NOS3: variants seen among roughly 807,000 people sequenced by gnomAD.
NOS3 encodes the protein nitric oxide synthase 3.
Under a neutral mutation model 144.9 loss-of-function variants are expected in NOS3, and 98 were observed. That is an observed-to-expected ratio of 0.68 (90% confidence interval 0.57 to 0.80). NOS3 has a LOEUF of 0.80. Ranked by LOEUF, NOS3 falls within the 30% of genes least tolerant of loss-of-function variation. The pLI is 0.00. For synonymous variants in NOS3, 714 were observed against 702.4 expected (o/e 1.02, Z -0.26); for missense variants, 1,465 against 1,656.4 (o/e 0.88, Z 2.01).
rs189870227 is a variant in NOS3, at chr7:151,011,030, G to A, written c.2984+44G>A. ...TTGGTGGGGAGCTGCCCAGGGTCAG[G>A]GTGGCAGCTTTGGTGAGGAGTGTCA... On this transcript the variant is annotated intron_variant, in intron 23 of 26. Coordinates refer to ENST00000297494, the MANE Select transcript of NOS3 (RefSeq NM_000603.5). 1.2e-5 allele frequency: 17 copies of A among 1,438,584 alleles called. No individual in the cohort carries two copies. The East Asian group carries it at 3.9e-4, about 33-fold the overall frequency. 89.1% of individuals were successfully genotyped at this position (1,438,584 alleles called of 1,614,324 possible).
chr7:151,000,369 G>A, intron 9 of NOS3, 129 bp from the exon 10 acceptor site: 2 of 660,122 alleles, frequency 3.0e-6, no homozygotes, highest in Non-Finnish European at 5.4e-6. Context: ...CCCCTAGGCA[G>A]CCAGGCCTCC....
Position 151,013,847 on chromosome 7 carries a change from G to A in NOS3, c.3379G>A (p.Val1127Met), listed in dbSNP as rs1238557283. ...VTMATNVLQT[V>M]QRILATEGDM... ...CATGGCAACCAACGTCCTGCAGACCGTGCAGCGCATCCTGGCGACGGAGGG... is the reference window on the plus strand; with the variant it reads ...CATGGCAACCAACGTCCTGCAGACCATGCAGCGCATCCTGGCGACGGAGGG... The change falls in exon 26 of 27, where the codon GTG becomes ATG. Residue 1127 changes from valine to methionine, a missense_variant. Physicochemically the swap from Val to Met is conservative, Grantham distance 21 (BLOSUM62 1). This residue lies in a region of NOS3 where 228 missense variants were observed against 227.7 expected (regional missense o/e 1.00). Coordinates refer to ENST00000297494, the MANE Select transcript of NOS3 (RefSeq NM_000603.5). 4 of 1,605,260 alleles carry A rather than the reference G, an allele frequency of 2.5e-6. No homozygotes were observed. The highest frequency in any genetic ancestry group is 2.5e-6 in the Non-Finnish European group (3 of 1,176,550).
At chr7:150,997,057 G>A in intron 5 of NOS3, 132 bp downstream of exon 5, 1 of 1,160,070 alleles carries the variant, frequency 8.6e-7, no homozygotes, top group South Asian at 1.6e-5. Context: ...TTCCCTTAGA[G>A]ACTGGAAAGG....
rs1282476714 is a variant in NOS3 at position 150,998,249 on chromosome 7, G to A, written c.583-108G>A. ...TGCCAATGGTCAGGAGGGCGCCATG[G>A]AGTGAACCATGGCCCCTGCCTCCTC... On this transcript the variant is annotated intron_variant, in intron 5 of 26. Coordinates refer to ENST00000297494, the MANE Select transcript of NOS3 (RefSeq NM_000603.5). The surrounding 1 kb of genome is among the most constrained non-coding windows in gnomAD (Gnocchi z 5.0). 1.3e-5 allele frequency: 12 copies of A among 933,370 alleles called. No homozygotes were observed. The highest frequency in any genetic ancestry group is 2.2e-4 in the Middle Eastern group (1 of 4,540). 57.8% of individuals were successfully genotyped at this position (933,370 alleles called of 1,614,324 possible).
In NOS3 at chr7:150,993,049, G is replaced by A. The variant is rs921401659; in HGVS notation, c.-51-704G>A. On this transcript the variant is annotated intron_variant, in intron 1 of 26. Coordinates refer to ENST00000297494, the MANE Select transcript of NOS3 (RefSeq NM_000603.5). The surrounding 1 kb of genome is among the most constrained non-coding windows in gnomAD (Gnocchi z 4.0). ...TGACCTGCGGCCCCGGGAAGCGTGCGTCACTGAATGACAGGGTGGGGGTGG... is the reference window on the plus strand; with the variant it reads ...TGACCTGCGGCCCCGGGAAGCGTGCATCACTGAATGACAGGGTGGGGGTGG... 2.0e-5 allele frequency among the ~76,000 whole-genome samples: 3 copies of A among 152,190 alleles called. No homozygotes were observed. Among genetic ancestry groups the A allele is most frequent in the South Asian group, 2.1e-4 (1 of 4,832 alleles).
intron 2 of NOS3, among the ~76,000 whole-genome samples, chr7:150,994,782 G>A (rs1802332050): frequency 6.6e-6 from 1 of 152,194 alleles, no homozygotes; most frequent in Non-Finnish European, 1.5e-5. Flanking sequence ...TTCACACATG[G>A]GGCTGCTGTC....
intron 17 of NOS3, among the ~76,000 whole-genome samples, chr7:151,008,162 C>A (rs989996488): frequency 6.6e-6 from 1 of 152,170 alleles, no homozygotes; most frequent in African/African-American, 2.4e-5. Flanking sequence ...ATTACAGCAT[C>A]ACCGAACCAG....
In NOS3 at chr7:150,998,211, G is replaced by A; in HGVS notation, c.583-146G>A. 1.5e-6 allele frequency: 1 copy of A among 664,426 alleles called. No individual in the cohort carries two copies. Among genetic ancestry groups the A allele is most frequent in the Non-Finnish European group, 2.6e-6 (1 of 385,520 alleles). The allele number at this position is 664,426 out of a possible 1,614,324, so 41.2% of individuals were successfully genotyped here. On this transcript the variant is annotated intron_variant, in intron 5 of 26. Coordinates refer to ENST00000297494, the MANE Select transcript of NOS3 (RefSeq NM_000603.5). The surrounding 1 kb of genome is among the most constrained non-coding windows in gnomAD (Gnocchi z 5.0). ...ATATGTCAGAGAGCAGGGCAGGAAG[G>A]GATCAGTGTGGCTGCCAATGGTCAG...
At chr7:150,997,316 G>A (rs899800366) in intron 5 of NOS3, among the ~76,000 whole-genome samples, 4 of 151,876 alleles carry the variant, frequency 2.6e-5, no homozygotes, top group African/African-American at 4.8e-5. Context: ...ACAGCTGAGC[G>A]GAGCTTCCCT....
rs754814568 is a variant in NOS3, at chr7:150,998,362, C to T, written c.588C>T (p.Phe196=). The T allele has an allele frequency of 2.5e-5, 41 of 1,611,218 alleles. No homozygotes were observed. The Admixed American group carries it at 4.3e-4, about 17-fold the overall frequency. ...GRIQWGKLQV[F]DARDCRSAQE... is the part of the protein sequence containing the mutation. Reference sequence around the variant, plus strand: ...CGCTGCCTCGGCTGGCTCAGGTGTTCGATGCCCGGGACTGCAGGTCTGCAC... The same window carrying T: ...CGCTGCCTCGGCTGGCTCAGGTGTTTGATGCCCGGGACTGCAGGTCTGCAC... Residue 196 remains phenylalanine (F), a synonymous_variant, in exon 6 of 27, where the codon TTC becomes TTT. Coordinates refer to ENST00000297494, the MANE Select transcript of NOS3 (RefSeq NM_000603.5). The surrounding 1 kb of genome is among the most constrained non-coding windows in gnomAD (Gnocchi z 5.0).
At chr7:151,009,956 C>T (rs1030690582) in intron 20 of NOS3, among the ~76,000 whole-genome samples, 159 bp from the exon 21 acceptor site, 5 of 152,172 alleles carry the variant, frequency 3.3e-5, no homozygotes, top group African/African-American at 7.2e-5. Context: ...CAACCCAGTC[C>T]GGCCAGGGGC....
In NOS3 at chr7:151,014,412, AG is replaced by A. The variant is rs1336407942; in HGVS notation, c.*246del. The A allele has an allele frequency of 2.6e-5, 13 of 494,120 alleles. No homozygotes were observed. In the East Asian group the frequency reaches 4.1e-4, roughly 16 times the overall value. 30.6% of individuals were successfully genotyped at this position (494,120 alleles called of 1,614,324 possible). On this transcript the variant is annotated 3_prime_UTR_variant, in exon 27 of 27. Coordinates refer to ENST00000297494, the MANE Select transcript of NOS3 (RefSeq NM_000603.5). The stretch of plus-strand genomic sequence containing the variant: ...AGGCCCCTCCCAGCAGCGGTACCCC[AG>A]GGCCTACTGCCACCCGCTTCCTGTT...
intron 17 of NOS3, among the ~76,000 whole-genome samples, chr7:151,007,702 C>G (rs572444319): frequency 2.8e-4 from 43 of 152,374 alleles, no homozygotes; most frequent in African/African-American, 1.0e-3. Context: ...CACAGGAAGC[C>G]AGAGGCCAGA....
At chr7:151,010,010 T>C in intron 20 of NOS3, 105 bp from the exon 21 acceptor site, 1 of 750,364 alleles carries the variant, frequency 1.3e-6, no homozygotes, top group South Asian at 1.7e-5. Context: ...CCGACCCCGC[T>C]GCTCAAGGGC....
At chr7:151,013,467 C>T in intron 25 of NOS3, 88 bp downstream of exon 25, 1 of 1,474,266 alleles carries the variant, frequency 6.8e-7, no homozygotes, top group South Asian at 1.3e-5. Context: ...CCAACCACGG[C>T]CCTCCCGTGG....
In NOS3 at chr7:151,010,284, C is replaced by A. The variant is rs1795276541; in HGVS notation, c.2682C>A (p.Ser894Arg). 6.2e-7 allele frequency: 1 copy of A among 1,611,598 alleles called. No individual in the cohort carries two copies. ...PREQQELEAL[S>R]QDPRRYEEWK... ...AACAGCAGGAGCTGGAGGCCCTCAGCCAGGTTGGGGGCCACCCCAATGAGG... is the reference window on the plus strand; with the variant it reads ...AACAGCAGGAGCTGGAGGCCCTCAGACAGGTTGGGGGCCACCCCAATGAGG... Residue 894 changes from serine (S) to arginine (R), a missense_variant, in exon 21 of 27, where the codon AGC becomes AGA. Physicochemically the swap from Ser to Arg is moderately radical, Grantham distance 110 (BLOSUM62 -1). This residue lies in a region of NOS3 where 745 missense variants were observed against 853.9 expected (regional missense o/e 0.87). Coordinates refer to ENST00000297494, the MANE Select transcript of NOS3 (RefSeq NM_000603.5).
In NOS3 at chr7:151,002,413, C is replaced by T. The variant is rs1292607650; in HGVS notation, c.1752+109C>T. On this transcript the variant is annotated intron_variant, in intron 14 of 26. Coordinates refer to ENST00000297494, the MANE Select transcript of NOS3 (RefSeq NM_000603.5). This position sits in a 1 kb window ranked among gnomAD's most constrained non-coding sequence, Gnocchi z 4.1. ...ACACACACACACACACACACACACA[C>T]ACACACACACACACACACACACACA... 3 of 504,818 alleles carry T rather than the reference C, an allele frequency of 5.9e-6. No individual in the cohort carries two copies. The South Asian group carries it at 6.8e-5, about 11-fold the overall frequency. 31.3% of individuals were successfully genotyped at this position (504,818 alleles called of 1,614,324 possible). A position where few individuals can be genotyped will look rare whatever the true frequency, so the allele number is the denominator to read the frequency against.
intron 25 of NOS3, 32 bp from the exon 26 acceptor site, chr7:151,013,692 C>T: frequency 6.6e-7 from 1 of 1,526,584 alleles, no homozygotes; most frequent in Non-Finnish European, 8.8e-7. Flanking sequence ...CCCACCCCCA[C>T]CAGGGCCCGC....
Position 151,009,178 on chromosome 7 carries a change from C to A in NOS3, c.2246-11C>A. 1 of 1,613,872 alleles carries A rather than the reference C, an allele frequency of 6.2e-7. No individual in the cohort carries two copies. The highest frequency in any genetic ancestry group is 8.5e-7 in the Non-Finnish European group (1 of 1,179,828). On this transcript the variant is annotated splice_polypyrimidine_tract_variant and intron_variant, in intron 18 of 26. Transcript: ENST00000297494. ...GCTCAGGCTGCCTCATTTGCCCCTCCCCGCCCCCAGGTCTGATCCACGTGC... is the reference window on the plus strand; with the variant it reads ...GCTCAGGCTGCCTCATTTGCCCCTCACCGCCCCCAGGTCTGATCCACGTGC...
Sources: gnomAD v4.1 joint callset for allele counts (sites outside exome capture counted in the v4.1 genomes callset) on GRCh38, gnomAD v4.1.1 for gene constraint, gnomAD v4.1.1 regional missense constraint, Gnocchi (gnomAD v3.1) non-coding constraint, MANE v1.5 for transcripts, NCBI Gene and HGNC (gene_info 2026-07-23, HGNC 2026-07-21) for gene names.